The following ELAVL2 variants were observed in gnomAD, a reference collection of about 807,000 sequenced individuals.
ELAVL2 encodes ELAV-like protein 2.
ELAVL2 carries 4 observed loss-of-function variants against 34.6 expected under a neutral mutation model. The ratio of observed to expected loss-of-function variants is 0.12; its 90% CI spans 0.06 to 0.26. ELAVL2 has a LOEUF of 0.26. Ranked by LOEUF, ELAVL2 falls within the 10% of genes least tolerant of loss-of-function variation. The pLI, the probability that ELAVL2 is intolerant of heterozygous loss-of-function variation, is 1.00. For synonymous variants in ELAVL2, 193 were observed against 154.8 expected, an observed-to-expected ratio of 1.25 and a Z score of -1.83; for missense variants, 432 against 442.8, an observed-to-expected ratio of 0.98 and a Z score of 0.22.
chr9:23,764,171 G>A (rs558618329), intron 1 of ELAVL2, among the ~76,000 whole-genome samples: 23 of 152,260 alleles, frequency 1.5e-4, no homozygotes, highest in African/African-American at 5.3e-4. Flanking sequence ...CAAGATTAAA[G>A]TGGCCAAAGA....
In ELAVL2 at chr9:23,692,481, C is replaced by G. The variant is rs189753356; in HGVS notation, c.*76G>C. On this transcript the variant is annotated 3_prime_UTR_variant, in exon 7 of 7. Transcript: ENST00000397312. ...CAACACTGACTTACAAAGACATTTA[C>G]TAATGTATAAAGTTTCTCTTAACTT... 6.1e-5 allele frequency: 86 copies of G among 1,417,268 alleles called. No homozygotes were observed. Among genetic ancestry groups the G allele is most frequent in the Admixed American group, 9.8e-5 (4 of 40,720 alleles). The allele number at this position is 1,417,268 out of a possible 1,614,324, so 87.8% of individuals were successfully genotyped here. A position where few individuals can be genotyped will look rare whatever the true frequency, so the allele number is the denominator to read the frequency against.
In ELAVL2 at chr9:23,738,614, T is replaced by C. The variant is rs12342651; in HGVS notation, c.230-7489A>G. Among the ~76,000 whole-genome samples the C allele has an allele frequency of 4.3e-3, 657 of 152,264 alleles. 5 individuals carry two copies. Among genetic ancestry groups the C allele is most frequent in the African/African-American group, 0.014 (591 of 41,566 alleles). On this transcript the variant is annotated intron_variant, in intron 2 of 6. Transcript: ENST00000397312. ...AACAGATGGCTCACTCGAAGACTCATCTTCCACCCAAATGCTAATAAAGCT... is the reference window on the plus strand; with the variant it reads ...AACAGATGGCTCACTCGAAGACTCACCTTCCACCCAAATGCTAATAAAGCT...
In ELAVL2 at chr9:23,731,075, C is replaced by T. The variant is rs146552956; in HGVS notation, c.280G>A (p.Glu94Lys). The T allele has an allele frequency of 2.5e-5, 40 of 1,613,202 alleles. No individual in the cohort carries two copies. Among genetic ancestry groups the T allele is most frequent in the Non-Finnish European group, 3.0e-5 (35 of 1,179,498 alleles). The change falls in exon 3 of 7, where the codon GAG becomes AAG. Residue 94 changes from glutamate (E) to lysine (K), a missense_variant. Glu to Lys is a moderately conservative substitution (Grantham distance 56). Around this residue, in one of 3 missense-constraint regions of ELAVL2, gnomAD observed 132 missense variants for 118.3 expected, o/e 1.12. Coordinates refer to ENST00000397312, the MANE Select transcript of ELAVL2 (RefSeq NM_004432.5). The part of the protein sequence containing the change: ...FVNYIDPKDA[E>K]KAINTLNGLR... The stretch of plus-strand genomic sequence containing the variant: ...CCATTCAGGGTGTTGATAGCTTTCT[C>T]TGCATCCTTGGGGTCAATGTAGTTC...
chr9:23,733,360 G>A (rs1286925717), intron 2 of ELAVL2, among the ~76,000 whole-genome samples: 1 of 151,962 alleles, frequency 6.6e-6, no homozygotes, highest in African/African-American at 2.4e-5. Flanking sequence ...CCCACCTTGG[G>A]CTCTGATTTT....
the ELAVL2 span, among the ~76,000 whole-genome samples, chr9:23,847,760 G>A: frequency 6.6e-6 from 1 of 152,002 alleles, no homozygotes; most frequent in Non-Finnish European, 1.5e-5. Flanking sequence ...AAAGTATGAG[G>A]AATATATAGC....
chr9:23,701,139 C>G (rs551029399), intron 5 of ELAVL2, among the ~76,000 whole-genome samples: 8 of 152,302 alleles, frequency 5.3e-5, no homozygotes, highest in Admixed American at 3.3e-4. Flanking sequence ...AAAAATCACC[C>G]TTGGTTAAGA....
intron 4 of ELAVL2, 73 bp from the exon 5 acceptor site, chr9:23,701,677 A>G: frequency 6.1e-6 from 9 of 1,486,072 alleles, no homozygotes; most frequent in Non-Finnish European, 8.3e-6. Context: ...GAAAGGACAC[A>G]TTAATTTTTC....
At chr9:23,702,966 A>AAAAAAAAAAAAAAAAAAAAAC (rs2037888796) in intron 4 of ELAVL2, among the ~76,000 whole-genome samples, 2 of 143,016 alleles carry the variant, frequency 1.4e-5, no homozygotes, top group African/African-American at 5.4e-5. Flanking sequence ...AAAAAAAAAA[A>AAAAAAAAAAAAAAAAAAAAAC]AAAAAAAAAA....
intron 4 of ELAVL2, 28 bp downstream of exon 4, chr9:23,704,890 A>G (rs2038797102): frequency 6.2e-7 from 1 of 1,612,362 alleles, no homozygotes; most frequent in Non-Finnish European, 8.5e-7. Flanking sequence ...AGACAGGGAA[A>G]GACTGTCCGG....
intron 3 of ELAVL2, among the ~76,000 whole-genome samples, chr9:23,711,345 C>T (rs1437302596): frequency 1.3e-5 from 2 of 152,114 alleles, no homozygotes; most frequent in Non-Finnish European, 2.9e-5. Flanking sequence ...TGCTTTAATT[C>T]AAGTGAGAAG....
chr9:23,698,586 G>A (rs956236769), intron 5 of ELAVL2, among the ~76,000 whole-genome samples: 2 of 152,112 alleles, frequency 1.3e-5, no homozygotes, highest in African/African-American at 4.8e-5. Flanking sequence ...TTTTCTACAT[G>A]TCTGCTGAAA....
At chr9:23,722,885 T>C (rs2044097280) in intron 3 of ELAVL2, among the ~76,000 whole-genome samples, 2 of 152,204 alleles carry the variant, frequency 1.3e-5, no homozygotes, top group South Asian at 4.1e-4. Context: ...GGGCTCCTTC[T>C]TGGGAAGTTA....
chr9:23,785,938 G>A (rs762359231), intron 1 of ELAVL2, among the ~76,000 whole-genome samples: 8 of 152,056 alleles, frequency 5.3e-5, no homozygotes, highest in Admixed American at 1.3e-4. Context: ...CAGACTTTTC[G>A]GTACTTGAAG....
Position 23,692,846 on chromosome 9 carries a change from G to A in ELAVL2, c.791C>T (p.Ala264Val), listed in dbSNP as rs751239055. Reference protein sequence around the residue: ...PMTIDGMTSLAGINIPGHPGT... With the variant: ...PMTIDGMTSLVGINIPGHPGT... ...AGGGTGCCCAGGGATATTAATTCCA[G>A]CCAAACTGGTCATTCCGTCAATGGT... Residue 264 changes from alanine (A) to valine (V), a missense_variant, in exon 7 of 7, where the codon GCT becomes GTT. Around this residue, in one of 3 missense-constraint regions of ELAVL2, gnomAD observed 295 missense variants for 306.1 expected, o/e 0.96. Transcript: ENST00000397312. 4.3e-6 allele frequency: 7 copies of A among 1,613,926 alleles called. No homozygotes were observed. Among genetic ancestry groups the A allele is most frequent in the East Asian group, 2.2e-5 (1 of 44,868 alleles).
At chr9:23,825,132 T>G (rs2065216975) in intron 1 of ELAVL2, among the ~76,000 whole-genome samples, 1 of 152,188 alleles carries the variant, frequency 6.6e-6, no homozygotes, top group African/African-American at 2.4e-5. Context: ...GCTATCTTCT[T>G]TTAAAACTGA....
chr9:23,806,049 T>C (rs2062178215), intron 1 of ELAVL2, among the ~76,000 whole-genome samples: 2 of 151,984 alleles, frequency 1.3e-5, no homozygotes, highest in Non-Finnish European at 2.9e-5. Flanking sequence ...CAGGTATGGA[T>C]GAAAAGAAAT....
At position 23,756,950 on chromosome 9, in the gene ELAVL2, C is replaced by T. The variant is rs370855665; in HGVS notation, c.229+5056G>A. Among the ~76,000 whole-genome samples, 11 of 152,198 alleles carry T rather than the reference C, an allele frequency of 7.2e-5. No homozygotes were observed. The South Asian group carries it at 1.0e-3, about 14-fold the overall frequency. ...GCACTCATTACAAGTGATTCCAATG[C>T]GGGAATCCTGTGACCATACTTCATG... On this transcript the variant is annotated intron_variant, in intron 2 of 6. Coordinates refer to ENST00000397312, the MANE Select transcript of ELAVL2 (RefSeq NM_004432.5).
chr9:23,712,819 A>G (rs1429880488), intron 3 of ELAVL2, among the ~76,000 whole-genome samples: 1 of 152,208 alleles, frequency 6.6e-6, no homozygotes, highest in African/African-American at 2.4e-5. Context: ...CTAGGAATAA[A>G]TAAGTAATGT....
intron 1 of ELAVL2, among the ~76,000 whole-genome samples, chr9:23,788,334 T>C (rs2059940012): frequency 1.3e-5 from 2 of 152,180 alleles, no homozygotes; most frequent in Admixed American, 6.5e-5. Flanking sequence ...ATTTAGGAAA[T>C]GGAGAAAATA....
Sources: allele counts gnomAD v4.1 joint callset (sites outside exome capture counted in the v4.1 genomes callset), GRCh38; gene constraint gnomAD v4.1.1; regional missense constraint gnomAD v4.1.1; transcripts MANE v1.5; gene names NCBI Gene and HGNC (gene_info 2026-07-23, HGNC 2026-07-21).